Variants in CISH observed in about 807,000 individuals in gnomAD.
CISH encodes cytokine inducible SH2 containing protein, also known as cytokine-inducible SH2-containing protein.
In CISH, 11 loss-of-function variants were observed where a neutral mutation model predicts 21.3. The ratio of observed to expected loss-of-function variants is 0.52; its 90% CI spans 0.32 to 0.85. The LOEUF (loss-of-function observed/expected upper bound fraction) is 0.85, where lower values mean the gene tolerates loss of function less well. Among genes scored for constraint, CISH ranks in the 40% least tolerant of loss-of-function variants. CISH has a pLI of 0.03. For missense variants in CISH, 280 were observed against 351.7 expected (o/e 0.80, Z 1.63); for synonymous variants, 118 against 142.3 (o/e 0.83, Z 1.22).
chr3:50,609,583 T>A (rs938203793), intron 1 of CISH: 2 of 152,218 alleles, frequency 1.3e-5, no homozygotes, highest in Non-Finnish European at 2.9e-5. Flanking sequence ...TAGGGCTTCC[T>A]CCTTGGGAGG....
chr3:50,611,335 C>T, intron 1 of CISH: 2 of 1,327,784 alleles, frequency 1.5e-6, no homozygotes, highest in Non-Finnish European at 1.9e-6. Context: ...TGGGGGACGC[C>T]GTGCCGTTAG....
chr3:50,611,713 C>G lies in CISH; in HGVS notation c.-63G>C, dbSNP rs2032332971. The G allele has an allele frequency of 7.0e-7, 1 of 1,434,444 alleles. No individual in the cohort carries two copies. The highest frequency in any genetic ancestry group is 9.1e-7 in the Non-Finnish European group (1 of 1,095,444). 88.9% of individuals were successfully genotyped at this position (1,434,444 alleles called of 1,614,324 possible). ...GCTGGACGGCGGCGGCTGGAGGGAA[C>G]CAGTGGGCGCGGAGCGCGTGCTGGG... On this transcript the variant is annotated 5_prime_UTR_variant, in exon 1 of 3. Coordinates refer to ENST00000348721, the MANE Select transcript of CISH (RefSeq NM_145071.4).
intron 1 of CISH, chr3:50,610,502 A>G: frequency 6.4e-7 from 1 of 1,550,520 alleles, no homozygotes; most frequent in South Asian, 1.2e-5. Context: ...ACCCAACAGT[A>G]GCCCTGAGCT....
At chr3:50,610,708 C>T in intron 1 of CISH, 1 of 1,318,560 alleles carries the variant, frequency 7.6e-7, no homozygotes, top group Non-Finnish European at 9.7e-7. Context: ...TCTTCCTTGG[C>T]CTCACCTTCC....
In CISH at chr3:50,607,990, C is replaced by CA; in HGVS notation, c.393dup (p.Glu132Ter). ...AGACGGAAGCTGGAGTCGGCATACT[C>CA]AATGCGTACATTGGTGGGGCCACGA... is the stretch of plus-strand genomic sequence containing the variant. On this transcript the variant is annotated frameshift_variant, in exon 3 of 3. Coordinates refer to ENST00000348721, the MANE Select transcript of CISH (RefSeq NM_145071.4). LOFTEE classifies it high-confidence loss of function. 7 of 1,614,068 alleles carry CA rather than the reference C, an allele frequency of 4.3e-6. No individual in the cohort carries two copies. The highest frequency in any genetic ancestry group is 5.9e-6 in the Non-Finnish European group (7 of 1,180,028).
At chr3:50,609,246 T>A (rs1361281484) in intron 1 of CISH, 1 of 152,256 alleles carries the variant, frequency 6.6e-6, no homozygotes, top group Admixed American at 6.5e-5. Flanking sequence ...CTTCTCCCAG[T>A]GGAGGGTCTG....
In CISH at chr3:50,610,327, T is replaced by C. The variant is rs1327891677; in HGVS notation, c.20+1304A>G. Reference sequence around the variant, plus strand: ...TTGGGGCTGATGTGGTAGCTGGGTGTATGAATAGCTGTGTTGATCACCACA... The same window carrying C: ...TTGGGGCTGATGTGGTAGCTGGGTGCATGAATAGCTGTGTTGATCACCACA... On this transcript the variant is annotated intron_variant, in intron 1 of 2. Coordinates refer to ENST00000348721, the MANE Select transcript of CISH (RefSeq NM_145071.4). The C allele has an allele frequency of 3.2e-6, 5 of 1,547,340 alleles. No individual in the cohort carries two copies. The African/African-American group carries it at 4.1e-5, about 13-fold the overall frequency.
intron 1 of CISH, chr3:50,609,109 G>T (rs1441007470): frequency 6.5e-6 from 1 of 152,694 alleles, no homozygotes; most frequent in African/African-American, 2.4e-5. Context: ...ATGGTAGGCT[G>T]CCTGAGGTCA....
chr3:50,611,595 G>T (rs532551963), intron 1 of CISH, 36 bp downstream of exon 1: 23 of 1,522,796 alleles, frequency 1.5e-5, no homozygotes, highest in Non-Finnish European at 2.0e-5. Context: ...TGCGCCCCTC[G>T]TGGTGGCCGG....
Position 50,611,752 on chromosome 3 carries a change from C to T in CISH, c.-102G>A, listed in dbSNP as rs949689078. 75 of 1,376,302 alleles carry T rather than the reference C, an allele frequency of 5.4e-5. 1 individual carries two copies. The African/African-American group carries it at 9.5e-4, about 17-fold the overall frequency. The allele number at this position is 1,376,302 out of a possible 1,614,324, so 85.3% of individuals were successfully genotyped here. A position where few individuals can be genotyped will look rare whatever the true frequency, so the allele number is the denominator to read the frequency against. The stretch of plus-strand genomic sequence containing the variant: ...GCGCGTGCTGGGTAGGCTCCCGGGG[C>T]GCGCGGGCGCAGGACAGGGACTGAG... On this transcript the variant is annotated 5_prime_UTR_variant, in exon 1 of 3. Transcript: ENST00000348721.
chr3:50,611,349 C>A, intron 1 of CISH: 1 of 1,333,766 alleles, frequency 7.5e-7, no homozygotes, highest in Non-Finnish European at 9.5e-7. Context: ...CCGTTAGCAT[C>A]CATCTGCTCC....
chr3:50,608,678 T>C, intron 1 of CISH, 85 bp from the exon 2 acceptor site: 1 of 1,021,470 alleles, frequency 9.8e-7, no homozygotes, highest in Non-Finnish European at 1.3e-6. Context: ...ACTAGTTTCA[T>C]GACCTCTGGC....
Position 50,611,646 on chromosome 3 carries a change from AC to A in CISH, c.4del (p.Val2SerfsTer69). 1 of 1,496,356 alleles carries A rather than the reference AC, an allele frequency of 6.7e-7. No homozygotes were observed. 92.7% of individuals were successfully genotyped at this position (1,496,356 alleles called of 1,614,324 possible). On this transcript the variant is annotated frameshift_variant, in exon 1 of 3. Coordinates refer to ENST00000348721, the MANE Select transcript of CISH (RefSeq NM_145071.4). LOFTEE classifies it high-confidence loss of function. M[V>X]LCVQGPRPLL... ...CCGCGCTTACCCCTGAACGCAGAGG[AC>A]CATGTCCCCGCGGCAGCGGCGACTC...
chr3:50,607,600 C>T lies in CISH; in HGVS notation c.*7G>A, dbSNP rs750862349. ...CTGGGTGAGGGTGGGCAGATTGCCC[C>T]GTACAGTCAGAGCTGGAAGGGGTAC... On this transcript the variant is annotated 3_prime_UTR_variant, in exon 3 of 3. Transcript: ENST00000348721. 1.2e-5 allele frequency: 19 copies of T among 1,604,794 alleles called. No individual in the cohort carries two copies. In the South Asian group the frequency reaches 1.2e-4, roughly 10 times the overall value.
chr3:50,611,717 T>A lies in CISH; in HGVS notation c.-67A>T. 1 of 1,430,494 alleles carries A rather than the reference T, an allele frequency of 7.0e-7. No individual in the cohort carries two copies. The highest frequency in any genetic ancestry group is 9.1e-7 in the Non-Finnish European group (1 of 1,093,330). The allele number at this position is 1,430,494 out of a possible 1,614,324, so 88.6% of individuals were successfully genotyped here. On this transcript the variant is annotated 5_prime_UTR_variant, in exon 1 of 3. Transcript: ENST00000348721. Reference sequence around the variant, plus strand: ...GACGGCGGCGGCTGGAGGGAACCAGTGGGCGCGGAGCGCGTGCTGGGTAGG... The same window carrying A: ...GACGGCGGCGGCTGGAGGGAACCAGAGGGCGCGGAGCGCGTGCTGGGTAGG...
At position 50,607,818 on chromosome 3, in the gene CISH, T is replaced by C. The variant is rs1378795531; in HGVS notation, c.566A>G (p.Glu189Gly). ...CAGTGCTGGGTCACTAGGCGCATCC[T>C]CCTTAGGCATAGGCAGGGCCGGGGT... Reference protein sequence around the residue: ...APTPALPMPKEDAPSDPALPA... With the variant: ...APTPALPMPKGDAPSDPALPA... Residue 189 changes from glutamate to glycine, a missense_variant, in exon 3 of 3, where the codon GAG becomes GGG. Glu to Gly is a moderately conservative substitution (Grantham distance 98, BLOSUM62 -2). Transcript: ENST00000348721. The C allele has an allele frequency of 6.2e-7, 1 of 1,613,824 alleles. No homozygotes were observed. Among genetic ancestry groups the C allele is most frequent in the East Asian group, 2.2e-5 (1 of 44,882 alleles).
chr3:50,610,132 C>T (rs770835905), intron 1 of CISH: 8 of 558,270 alleles, frequency 1.4e-5, no homozygotes, highest in African/African-American at 7.5e-5. Flanking sequence ...CTTGGAAATC[C>T]CTCTTGGAGA....
chr3:50,607,510 A>C lies in CISH; in HGVS notation c.*97T>G. The C allele has an allele frequency of 7.8e-7, 1 of 1,280,546 alleles. No homozygotes were observed. Among genetic ancestry groups the C allele is most frequent in the East Asian group, 2.5e-5 (1 of 40,582 alleles). The allele number at this position is 1,280,546 out of a possible 1,614,324, so 79.3% of individuals were successfully genotyped here. On this transcript the variant is annotated 3_prime_UTR_variant, in exon 3 of 3. Transcript: ENST00000348721. ...CTGCCAGAGGTATGCAGGCACCAGGATGCCTGGAGGAGGGACAGTGGGGGC... is the reference window on the plus strand; with the variant it reads ...CTGCCAGAGGTATGCAGGCACCAGGCTGCCTGGAGGAGGGACAGTGGGGGC...
chr3:50,611,260 C>T (rs1575987891), intron 1 of CISH: 6 of 1,134,992 alleles, frequency 5.3e-6, no homozygotes, highest in Non-Finnish European at 6.5e-6. Context: ...GCAGGCAGGG[C>T]AGCAGGCAGG....
Sources: allele counts gnomAD v4.1 joint callset, GRCh38; gene constraint gnomAD v4.1.1; transcripts MANE v1.5; gene names NCBI Gene and HGNC (gene_info 2026-07-23, HGNC 2026-07-21).